Variants in PCYT2 observed in about 807,000 individuals in gnomAD.
The protein encoded by PCYT2 is phosphate cytidylyltransferase 2, ethanolamine, also known as ethanolamine-phosphate cytidylyltransferase.
In PCYT2, 33 loss-of-function variants were observed where a neutral mutation model predicts 50.0. The ratio of observed to expected loss-of-function variants is 0.66; its 90% confidence interval spans 0.50 to 0.88. PCYT2 has a LOEUF of 0.88. PCYT2 is among the 40% of genes least tolerant of loss of function. The pLI, the probability that PCYT2 is intolerant of heterozygous loss-of-function variation, is 0.00. For missense variants in PCYT2, 430 were observed against 519.7 expected, an observed-to-expected ratio of 0.83 and a Z score of 1.68; for synonymous variants, 240 against 203.7, an observed-to-expected ratio of 1.18 and a Z score of -1.52.
Position 81,902,598 on chromosome 17 carries a change from C to G in PCYT2, c.*2235G>C, listed in dbSNP as rs756514191. The G allele has an allele frequency of 2.6e-6, 4 of 1,549,512 alleles. No homozygotes were observed. Among genetic ancestry groups the G allele is most frequent in the Admixed American group, 3.9e-5 (2 of 51,646 alleles). ...GGGTGGGGGTGCGGCGGCCCCTCAG[C>G]CTTTGCTTGCCTGCCCCCCAGGCTG... On this transcript the variant is annotated 3_prime_UTR_variant, in exon 13 of 13. Coordinates refer to ENST00000538936, the MANE Select transcript of PCYT2 (RefSeq NM_002861.5).
chr17:81,905,782 G>A (rs749959079), intron 9 of PCYT2, 47 bp from the exon 10 acceptor site: 1 of 1,567,060 alleles, frequency 6.4e-7, no homozygotes, highest in Non-Finnish European at 8.8e-7. Context: ...CCCTGCTACT[G>A]GTAAGCCAGG....
intron 1 of PCYT2, chr17:81,910,838 G>C (rs2040558316): frequency 1.0e-6 from 1 of 966,614 alleles, no homozygotes; most frequent in Non-Finnish European, 1.2e-6. Flanking sequence ...CCGCGGAGGA[G>C]GACCCGGGAG....
chr17:81,907,888 C>A (rs1221886014), intron 4 of PCYT2, 31 bp from the exon 5 acceptor site: 2 of 1,560,992 alleles, frequency 1.3e-6, no homozygotes, highest in South Asian at 1.2e-5. Context: ...GGGGTCTCAT[C>A]CTGGGACACT....
intron 10 of PCYT2, 66 bp from the exon 11 acceptor site, chr17:81,905,513 G>T: frequency 6.7e-7 from 1 of 1,491,592 alleles, no homozygotes; most frequent in Non-Finnish European, 9.2e-7. Context: ...CCACAGCCCA[G>T]CACAGGCCCC....
Position 81,905,430 on chromosome 17 carries a change from G to A in PCYT2, c.921C>T (p.His307=), listed in dbSNP as rs149977072. The change falls in exon 11 of 13, where the codon CAC becomes CAT. Residue 307 remains histidine, a synonymous_variant. Transcript: ENST00000538936. The part of the protein sequence containing the change: ...LSHFKVDLVC[H]GKTEIIPDRD... ...TGTCAGGGATAATTTCTGTCTTGCC[G>A]TGACACACCAGGTCCACCTGGAGAA... The A allele has an allele frequency of 1.7e-5, 27 of 1,567,080 alleles. No individual in the cohort carries two copies. The highest frequency in any genetic ancestry group is 9.4e-5 in the Admixed American group (5 of 53,390).
Position 81,908,967 on chromosome 17 carries a change from G to C in PCYT2, c.249C>G (p.Ile83Met). The C allele has an allele frequency of 6.2e-7, 1 of 1,614,040 alleles. No homozygotes were observed. Among genetic ancestry groups the C allele is most frequent in the Non-Finnish European group, 8.5e-7 (1 of 1,180,004 alleles). Residue 83 changes from isoleucine (I) to methionine (M), a missense_variant, in exon 3 of 13, where the codon ATC becomes ATG. Around this residue, in one of 4 missense-constraint regions of PCYT2, gnomAD observed 117 missense variants for 163.9 expected, o/e 0.71. Transcript: ENST00000538936. ...CTGGCACCACCTCGTCCACCCATTTGATGGCCTGCACCATCTTGTATCTCT... is the reference window on the plus strand; with the variant it reads ...CTGGCACCACCTCGTCCACCCATTTCATGGCCTGCACCATCTTGTATCTCT... Reference protein sequence around the residue: ...QEERYKMVQAIKWVDEVVPAA... With the variant: ...QEERYKMVQAMKWVDEVVPAA...
At position 81,905,670 on chromosome 17, in the gene PCYT2, C is replaced by T. The variant is rs1436764763; in HGVS notation, c.903G>A (p.Lys301=). 6.2e-7 allele frequency: 1 copy of T among 1,613,326 alleles called. No homozygotes were observed. The highest frequency in any genetic ancestry group is 1.1e-5 in the South Asian group (1 of 91,080). ...AVTAELLSHF[K]VDLVCHGKTE... is the part of the protein sequence containing the mutation. ...GAGGTGAGCCCATGCGGAGCCTCAC[C>T]TTGAAGTGACTTAGGAGCTCTGCTG... Residue 301 remains lysine, a splice_region_variant and synonymous_variant, in exon 10 of 13, where the codon AAG becomes AAA. Coordinates refer to ENST00000538936, the MANE Select transcript of PCYT2 (RefSeq NM_002861.5).
intron 4 of PCYT2, among the ~76,000 whole-genome samples, chr17:81,908,277 T>G (rs531604501): frequency 6.6e-6 from 1 of 152,328 alleles, no homozygotes; most frequent in East Asian, 1.9e-4. Flanking sequence ...TCAGATATAG[T>G]GCCAGCTCCC....
Position 81,908,553 on chromosome 17 carries a change from G to C in PCYT2, c.407+15C>G. The C allele has an allele frequency of 6.2e-7, 1 of 1,605,436 alleles. No individual in the cohort carries two copies. Among genetic ancestry groups the C allele is most frequent in the Non-Finnish European group, 8.5e-7 (1 of 1,172,792 alleles). The stretch of plus-strand genomic sequence containing the variant: ...TCCAGCTCCCTGGATGGCCAGGCCC[G>C]CGGTGGAGACTCACCTGTACCTCCC... On this transcript the variant is annotated intron_variant, in intron 4 of 12. Transcript: ENST00000538936.
At chr17:81,908,759 G>T in intron 3 of PCYT2, 117 bp downstream of exon 3, 1 of 1,336,478 alleles carries the variant, frequency 7.5e-7, no homozygotes. Flanking sequence ...TGGGGGCCCG[G>T]AAATGTCTCA....
chr17:81,905,490 C>T lies in PCYT2; in HGVS notation c.904-43G>A, dbSNP rs368168523. On this transcript the variant is annotated intron_variant, in intron 10 of 12. Coordinates refer to ENST00000538936, the MANE Select transcript of PCYT2 (RefSeq NM_002861.5). Reference sequence around the variant, plus strand: ...TCAGGAGCCCTCCCCGGGGAGGCAGCGGCCGTCGCCACCCACAGCCCAGCA... The same window carrying T: ...TCAGGAGCCCTCCCCGGGGAGGCAGTGGCCGTCGCCACCCACAGCCCAGCA... 1.6e-5 allele frequency: 25 copies of T among 1,534,832 alleles called. No homozygotes were observed. In the East Asian group the frequency reaches 2.7e-4, roughly 16 times the overall value.
rs918085320 is a variant in PCYT2 at position 81,911,380 on chromosome 17, G to A, written c.-25C>T. 9.8e-7 allele frequency: 1 copy of A among 1,025,190 alleles called. No individual in the cohort carries two copies. The highest frequency in any genetic ancestry group is 4.7e-4 in the Middle Eastern group (1 of 2,122). 63.5% of individuals were successfully genotyped at this position (1,025,190 alleles called of 1,614,324 possible). A position where few individuals can be genotyped will look rare whatever the true frequency, so the allele number is the denominator to read the frequency against. ...TGGCCCCGCAGCGGCGGCGCGGACA[G>A]CCTGGCAGCTCCCGGCGACTCCGAG... On this transcript the variant is annotated 5_prime_UTR_variant, in exon 1 of 13. Transcript: ENST00000538936.
chr17:81,908,711 C>G, intron 3 of PCYT2, 77 bp from the exon 4 acceptor site: 5 of 1,374,590 alleles, frequency 3.6e-6, no homozygotes, highest in Non-Finnish European at 5.2e-6. Context: ...CCCTCTCGGC[C>G]CCTGGCCTGC....
At chr17:81,907,024 G>A (rs377121138) in intron 6 of PCYT2, 126 bp from the exon 7 acceptor site, 24 of 1,206,968 alleles carry the variant, frequency 2.0e-5, no homozygotes, top group Non-Finnish European at 2.5e-5. Flanking sequence ...TCGGGCAGGG[G>A]ACACACTGCC....
chr17:81,902,800 T>C lies in PCYT2; in HGVS notation c.*2033A>G, dbSNP rs747965787. 7.2e-6 allele frequency: 11 copies of C among 1,535,634 alleles called. No individual in the cohort carries two copies. The highest frequency in any genetic ancestry group is 9.7e-6 in the Non-Finnish European group (11 of 1,139,850). The stretch of plus-strand genomic sequence containing the variant: ...GGGCCCCCCGCCCCCACCGTCCCAC[T>C]CGGTGACCCCAGGCCCCTCCGGCGC... On this transcript the variant is annotated 3_prime_UTR_variant, in exon 13 of 13. Transcript: ENST00000538936.
chr17:81,902,162 G>A lies in PCYT2; in HGVS notation c.*2671C>T, dbSNP rs925091682. Reference sequence around the variant, plus strand: ...GCGCCCGCTGCACCCCAGCCCGCCCGCCGCCCCTCCCGGCCCTCCGCAGCC... The same window carrying A: ...GCGCCCGCTGCACCCCAGCCCGCCCACCGCCCCTCCCGGCCCTCCGCAGCC... On this transcript the variant is annotated 3_prime_UTR_variant, in exon 13 of 13. Transcript: ENST00000538936. 102 of 738,838 alleles carry A rather than the reference G, an allele frequency of 1.4e-4. No homozygotes were observed. The highest frequency in any genetic ancestry group is 1.8e-4 in the Non-Finnish European group (97 of 553,904). The allele number at this position is 738,838 out of a possible 1,614,324, so 45.8% of individuals were successfully genotyped here. A position where few individuals can be genotyped will look rare whatever the true frequency, so the allele number is the denominator to read the frequency against.
chr17:81,905,025 C>T (rs371998898), intron 12 of PCYT2, 41 bp downstream of exon 12: 15 of 1,593,220 alleles, frequency 9.4e-6, no homozygotes, highest in South Asian at 1.1e-5. Context: ...TAGCGGAGAG[C>T]GCCCATGAGG....
chr17:81,905,255 A>G (rs2143659721), intron 11 of PCYT2, 101 bp from the exon 12 acceptor site: 2 of 1,317,640 alleles, frequency 1.5e-6, no homozygotes, highest in South Asian at 2.5e-5. Context: ...CCAGGGTCCC[A>G]TGGGAGTGGT....
In PCYT2 at chr17:81,908,554, C is replaced by T. The variant is rs754868329; in HGVS notation, c.407+14G>A. The T allele has an allele frequency of 3.2e-5, 51 of 1,605,678 alleles. 1 individual carries two copies. The highest frequency in any genetic ancestry group is 2.9e-4 in the South Asian group (26 of 90,850). On this transcript the variant is annotated intron_variant, in intron 4 of 12. Coordinates refer to ENST00000538936, the MANE Select transcript of PCYT2 (RefSeq NM_002861.5). ...CCAGCTCCCTGGATGGCCAGGCCCGCGGTGGAGACTCACCTGTACCTCCCA... is the reference window on the plus strand; with the variant it reads ...CCAGCTCCCTGGATGGCCAGGCCCGTGGTGGAGACTCACCTGTACCTCCCA...
Sources: allele counts gnomAD v4.1 joint callset (sites outside exome capture counted in the v4.1 genomes callset), GRCh38; gene constraint gnomAD v4.1.1; regional missense constraint gnomAD v4.1.1; transcripts MANE v1.5; gene names NCBI Gene and HGNC (gene_info 2026-07-23, HGNC 2026-07-21).